The following DOCK8 variants were observed in gnomAD, a reference collection of about 807,000 sequenced individuals.
DOCK8 encodes dedicator of cytokinesis 8.
DOCK8 carries 141 observed loss-of-function variants against 245.6 expected under a neutral mutation model. The ratio of observed to expected loss-of-function variants is 0.57; its 90% CI spans 0.50 to 0.66. The LOEUF is 0.66. Among genes scored for constraint, DOCK8 ranks in the 30% least tolerant of loss-of-function variants. The pLI, the probability that DOCK8 is intolerant of heterozygous loss-of-function variation, is 0.00. For synonymous variants in DOCK8, 1,168 were observed against 970.2 expected, an observed-to-expected ratio of 1.20 and a Z score of -3.79; for missense variants, 2,965 against 2,603.4, an observed-to-expected ratio of 1.14 and a Z score of -3.02.
intron 46 of DOCK8, among the ~76,000 whole-genome samples, chr9:453,847 C>T (rs1049326691): frequency 6.6e-6 from 1 of 152,038 alleles, no homozygotes; most frequent in African/African-American, 2.4e-5. Context: ...ATTTAAAATT[C>T]ATTATGGTTG....
intron 25 of DOCK8, among the ~76,000 whole-genome samples, chr9:398,925 A>G (rs1352378513): frequency 6.6e-6 from 1 of 152,254 alleles, no homozygotes; most frequent in African/African-American, 2.4e-5. Flanking sequence ...AGTGACTGGA[A>G]GGAAATGCAC....
chr9:219,378 G>A lies in DOCK8; in HGVS notation c.53+4349G>A, dbSNP rs1429449702. On this transcript the variant is annotated intron_variant, in intron 1 of 47. Transcript: ENST00000432829. The stretch of plus-strand genomic sequence containing the variant: ...CCCAGCTACTTAGGAGGCTGAGGTG[G>A]GATAATTGCTTGAACCTGGGAGGTG... Among the ~76,000 whole-genome samples, 5 of 152,250 alleles carry A rather than the reference G, an allele frequency of 3.3e-5. No homozygotes were observed. In the South Asian group the frequency reaches 1.0e-3, roughly 32 times the overall value.
Position 328,941 on chromosome 9 carries a change from CTTTTTTT to C in DOCK8, c.1044+790_1044+796del, listed in dbSNP as rs1165346763. On this transcript the variant is annotated intron_variant, in intron 9 of 47. Coordinates refer to ENST00000432829, the MANE Select transcript of DOCK8 (RefSeq NM_203447.4). The stretch of plus-strand genomic sequence containing the variant: ...GGCCAGATAATTGGTCTTATTGATT[CTTTTTTT>C]TTTTTTTTTTTTTTTTTTTGAGAGG... Among the ~76,000 whole-genome samples the C allele has an allele frequency of 5.3e-3, 376 of 71,398 alleles. 4 individuals carry two copies. Among genetic ancestry groups the C allele is most frequent in the African/African-American group, 0.019 (334 of 17,480 alleles). The allele number at this position is 71,398 out of a possible 152,430, so 46.8% of individuals were successfully genotyped here.
At chr9:461,725 A>G (rs148300265) in intron 46 of DOCK8, among the ~76,000 whole-genome samples, 66 of 151,564 alleles carry the variant, frequency 4.4e-4, no homozygotes, top group African/African-American at 1.5e-3. Context: ...TATTTTTTGT[A>G]GAGATGGGGT....
At chr9:254,754 G>A (rs767469005) in intron 1 of DOCK8, among the ~76,000 whole-genome samples, 29 of 152,268 alleles carry the variant, frequency 1.9e-4, no homozygotes, top group Non-Finnish European at 4.0e-4. Flanking sequence ...TTATAAAGTT[G>A]GCTTAATGAT....
At position 214,908 on chromosome 9, in the gene DOCK8, T is replaced by C. The variant is rs62533313; in HGVS notation, c.-69T>C. Reference sequence around the variant, plus strand: ...TTGGCTGGGCATGTTCCGCGGCTACTCTGCGGCGCGCCAGGCCCCCGCTTT... The same window carrying C: ...TTGGCTGGGCATGTTCCGCGGCTACCCTGCGGCGCGCCAGGCCCCCGCTTT... On this transcript the variant is annotated 5_prime_UTR_variant, in exon 1 of 48. Coordinates refer to ENST00000432829, the MANE Select transcript of DOCK8 (RefSeq NM_203447.4). 0.098 allele frequency: 157,713 copies of C among 1,603,930 alleles called. 8,213 individuals carry two copies. Among genetic ancestry groups the C allele is most frequent in the South Asian group, 0.12 (10,627 of 89,778 alleles).
intron 26 of DOCK8, among the ~76,000 whole-genome samples, chr9:400,045 TC>T: frequency 2.1e-5 from 1 of 46,916 alleles, no homozygotes; most frequent in Non-Finnish European, 3.8e-5. Context: ...CACCACCACC[TC>T]CACCATCACC....
At chr9:261,274 A>C (rs2047911258) in intron 1 of DOCK8, among the ~76,000 whole-genome samples, 2 of 152,168 alleles carry the variant, frequency 1.3e-5, no homozygotes. Flanking sequence ...TCTAAATATT[A>C]CATGTAGTTT....
At chr9:429,112 G>A (rs984978304) in intron 35 of DOCK8, among the ~76,000 whole-genome samples, 9 of 152,130 alleles carry the variant, frequency 5.9e-5, no homozygotes, top group African/African-American at 1.7e-4. Flanking sequence ...GATTATAGGC[G>A]TGTGCCACCG....
intron 15 of DOCK8, chr9:369,385 C>T: frequency 6.6e-6 from 1 of 152,374 alleles, no homozygotes; most frequent in Non-Finnish European, 1.5e-5. Context: ...ATTCACTGAG[C>T]CATGGGTTCT....
At position 372,301 on chromosome 9, in the gene DOCK8, G is replaced by T. The variant is rs1157556282; in HGVS notation, c.2109+15G>T. ...ATTCTGCTGAGGTAATTGGCAAGCT[G>T]GCCATCAGCTGTTTCTTGTCCAGCT... is the stretch of plus-strand genomic sequence containing the variant. On this transcript the variant is annotated intron_variant, in intron 18 of 47. Coordinates refer to ENST00000432829, the MANE Select transcript of DOCK8 (RefSeq NM_203447.4). 1.1e-5 allele frequency: 17 copies of T among 1,599,838 alleles called. No homozygotes were observed. Among genetic ancestry groups the T allele is most frequent in the Non-Finnish European group, 1.5e-5 (17 of 1,167,488 alleles).
chr9:337,830 G>A lies in DOCK8; in HGVS notation c.1422+1112G>A, dbSNP rs150379442. Among the ~76,000 whole-genome samples, 406 of 152,264 alleles carry A rather than the reference G, an allele frequency of 2.7e-3. 1 individual carries two copies. Among genetic ancestry groups the A allele is most frequent in the African/African-American group, 9.4e-3 (391 of 41,562 alleles). On this transcript the variant is annotated intron_variant, in intron 12 of 47. Transcript: ENST00000432829. Reference sequence around the variant, plus strand: ...AGGTTGGTTGCACAACAAAGAGAATGTGCTTAACACTACTGAATTGTGCAC... The same window carrying A: ...AGGTTGGTTGCACAACAAAGAGAATATGCTTAACACTACTGAATTGTGCAC...
rs191013774 is a variant in DOCK8, at chr9:412,475, C to T, written c.3531-2307C>T. ...TAAATTGGAAAAGAAGTAAAACTAT[C>T]TCTATTCATAGGTGGCATAATCTTG... On this transcript the variant is annotated intron_variant, in intron 28 of 47. Transcript: ENST00000432829. Among the ~76,000 whole-genome samples, 19 of 151,200 alleles carry T rather than the reference C, an allele frequency of 1.3e-4. 1 individual carries two copies. The East Asian group carries it at 3.7e-3, about 29-fold the overall frequency.
chr9:392,177 A>C (rs1261441642), intron 24 of DOCK8, among the ~76,000 whole-genome samples: 1 of 151,514 alleles, frequency 6.6e-6, no homozygotes, highest in African/African-American at 2.4e-5. Flanking sequence ...AAGAGATGGG[A>C]GGGGTTCCAC....
intron 2 of DOCK8, among the ~76,000 whole-genome samples, chr9:281,080 C>G (rs1015110554): frequency 6.6e-6 from 1 of 152,088 alleles, no homozygotes; most frequent in African/African-American, 2.4e-5. Context: ...GTAGTGGAAC[C>G]CCGTCTCCAC....
At chr9:447,214 C>G (rs145938403) in intron 44 of DOCK8, among the ~76,000 whole-genome samples, 36 of 152,316 alleles carry the variant, frequency 2.4e-4, no homozygotes, top group African/African-American at 8.2e-4. Context: ...AATAAAAGGA[C>G]TGGTCAAGAA....
At chr9:405,173 T>A (rs1159722179) in intron 27 of DOCK8, 100 bp downstream of exon 27, 2 of 1,282,842 alleles carry the variant, frequency 1.6e-6, no homozygotes, top group African/African-American at 3.0e-5. Context: ...TCTTATTAAT[T>A]TGACAAAAAA....
chr9:366,670 G>T (rs1339692319), intron 14 of DOCK8: 1 of 152,226 alleles, frequency 6.6e-6, no homozygotes, highest in Non-Finnish European at 1.5e-5. Context: ...GGGGAAAGAA[G>T]AGTCTTTCTC....
intron 38 of DOCK8, 46 bp downstream of exon 38, chr9:434,021 G>A: frequency 7.2e-7 from 1 of 1,392,136 alleles, no homozygotes; most frequent in Non-Finnish European, 1.0e-6. Flanking sequence ...GGGGGTCGAG[G>A]ATTTGTCACT....
Sources: gnomAD v4.1 joint callset for allele counts (sites outside exome capture counted in the v4.1 genomes callset) on GRCh38, gnomAD v4.1.1 for gene constraint, MANE v1.5 for transcripts, NCBI Gene and HGNC (gene_info 2026-07-23, HGNC 2026-07-21) for gene names.